HDGFL3: variants seen among roughly 807,000 people sequenced by gnomAD.
HDGFL3 encodes the protein hepatoma-derived growth factor-related protein 3.
A neutral mutation model predicts 27.6 loss-of-function variants in HDGFL3; 6 were observed. The ratio of observed to expected loss-of-function variants is 0.22; its 90% CI spans 0.12 to 0.43. The LOEUF (loss-of-function observed/expected upper bound fraction) is 0.43. HDGFL3 is among the 20% of genes least tolerant of loss of function. HDGFL3 has a pLI of 1.00. For synonymous variants in HDGFL3, 88 were observed against 88.9 expected (o/e 0.99, Z 0.05); for missense variants, 207 against 250.1 (o/e 0.83, Z 1.16).
At chr15:83,180,643 A>T (rs939887709) in intron 1 of HDGFL3, among the ~76,000 whole-genome samples, 1 of 126,368 alleles carries the variant, frequency 7.9e-6, no homozygotes, top group African/African-American at 3.0e-5. Context: ...TAACTTATCA[A>T]TTTTTTTTTT....
intron 1 of HDGFL3, chr15:83,179,305 T>G (rs546912154): frequency 1.7e-4 from 26 of 152,394 alleles, no homozygotes; most frequent in Middle Eastern, 3.4e-3. Context: ...CAGTGTTGGG[T>G]GTTGTGTGTT....
chr15:83,167,402 A>C (rs2037185149), intron 1 of HDGFL3, among the ~76,000 whole-genome samples: 2 of 151,952 alleles, frequency 1.3e-5, no homozygotes, highest in Admixed American at 6.6e-5. Context: ...CTAAAAATCC[A>C]AAAAAATTAG....
chr15:83,151,928 C>T (rs1175529063), intron 4 of HDGFL3, among the ~76,000 whole-genome samples: 1 of 152,170 alleles, frequency 6.6e-6, no homozygotes, highest in Non-Finnish European at 1.5e-5. Flanking sequence ...GAACTCAAGG[C>T]CATACTGTGA....
chr15:83,125,714 G>T (rs73455417), downstream of HDGFL3, among the ~76,000 whole-genome samples: 2 of 152,328 alleles, frequency 1.3e-5, no homozygotes, highest in Admixed American at 6.5e-5. Flanking sequence ...GTTGGCGCGC[G>T]TAACAGTTGG....
At chr15:83,163,950 G>T in intron 2 of HDGFL3, 49 bp downstream of exon 2, 1 of 1,142,370 alleles carries the variant, frequency 8.8e-7, no homozygotes, top group Non-Finnish European at 1.3e-6. Flanking sequence ...TAACAATGTA[G>T]CATAGCAGAG....
chr15:83,198,874 A>G (rs1272688151), intron 1 of HDGFL3, among the ~76,000 whole-genome samples: 1 of 152,158 alleles, frequency 6.6e-6, no homozygotes, highest in Non-Finnish European at 1.5e-5. Context: ...TCCCAACACC[A>G]CCACACTGGG....
At chr15:83,147,353 C>T (rs2036911120) in intron 5 of HDGFL3, among the ~76,000 whole-genome samples, 1 of 152,140 alleles carries the variant, frequency 6.6e-6, no homozygotes, top group Admixed American at 6.5e-5. Flanking sequence ...AGCCACCGCA[C>T]CTGGCCCTAC....
rs779660606 is a variant in HDGFL3 at position 83,136,171 on chromosome 15, T to C, written c.*3099A>G. 2 of 227,872 alleles carry C rather than the reference T, an allele frequency of 8.8e-6. No individual in the cohort carries two copies. The highest frequency in any genetic ancestry group is 2.3e-5 in the African/African-American group (1 of 44,372). 14.1% of individuals were successfully genotyped at this position (227,872 alleles called of 1,614,324 possible). On this transcript the variant is annotated 3_prime_UTR_variant, in exon 6 of 6. Transcript: ENST00000299633. ...ATTTTATTCAGATTTTTCTATTAGA[T>C]TGAGCCACTAATGTTCGGTAAGGGG...
In HDGFL3 at chr15:83,149,740, C is replaced by T. The variant is rs190658262; in HGVS notation, c.606+1475G>A. Among the ~76,000 whole-genome samples, 88 of 151,518 alleles carry T rather than the reference C, an allele frequency of 5.8e-4. 2 individuals are homozygous for T. In the South Asian group the frequency reaches 0.012, roughly 20 times the overall value. On this transcript the variant is annotated intron_variant, in intron 5 of 5. Transcript: ENST00000299633. ...CTGGGAGAAAAGATCATTCTTTTTACGAAGTTAGAGATGAAGGGAAAAGTG... is the reference window on the plus strand; with the variant it reads ...CTGGGAGAAAAGATCATTCTTTTTATGAAGTTAGAGATGAAGGGAAAAGTG...
At chr15:83,143,994 C>T (rs942034961) in intron 5 of HDGFL3, among the ~76,000 whole-genome samples, 1 of 152,082 alleles carries the variant, frequency 6.6e-6, no homozygotes, top group Non-Finnish European at 1.5e-5. Flanking sequence ...GGAATAATTA[C>T]AAATTTTAAG....
rs969678169 is a variant in HDGFL3 at position 83,157,115 on chromosome 15, G to A, written c.459+300C>T. Among the ~76,000 whole-genome samples, 4 of 152,210 alleles carry A rather than the reference G, an allele frequency of 2.6e-5. No homozygotes were observed. In the South Asian group the frequency reaches 6.2e-4, roughly 24 times the overall value. On this transcript the variant is annotated intron_variant, in intron 4 of 5. Coordinates refer to ENST00000299633, the MANE Select transcript of HDGFL3 (RefSeq NM_016073.4). ...TACATTTCTCAATTCTTTAGAGCTC[G>A]TCTGGAGGTTACTGTAGGAGGCAAA... is the stretch of plus-strand genomic sequence containing the variant.
chr15:83,120,781 G>C (rs2035158745), intron 3 of HDGFL3, among the ~76,000 whole-genome samples: 1 of 151,918 alleles, frequency 6.6e-6, no homozygotes. Context: ...GGCCAGGCTG[G>C]TCTCAAACTC....
At position 83,129,658 on chromosome 15, in the gene HDGFL3, A is replaced by T. The variant is rs1388725763; in HGVS notation, c.*9612T>A. Reference sequence around the variant, plus strand: ...TCTCACCCACCCCATGCAAACAATGAACTATGGCACAGAGTCCTACAGCAC... The same window carrying T: ...TCTCACCCACCCCATGCAAACAATGTACTATGGCACAGAGTCCTACAGCAC... On this transcript the variant is annotated 3_prime_UTR_variant, in exon 6 of 6. Coordinates refer to ENST00000299633, the MANE Select transcript of HDGFL3 (RefSeq NM_016073.4). 2.0e-5 allele frequency: 3 copies of T among 152,230 alleles called. No homozygotes were observed. Among genetic ancestry groups the T allele is most frequent in the Admixed American group, 2.0e-4 (3 of 15,284 alleles). 9.4% of individuals were successfully genotyped at this position (152,230 alleles called of 1,614,324 possible). A position where few individuals can be genotyped will look rare whatever the true frequency, so the allele number is the denominator to read the frequency against.
intron 1 of HDGFL3, among the ~76,000 whole-genome samples, chr15:83,197,957 G>A (rs1286306294): frequency 2.0e-5 from 3 of 150,214 alleles, no homozygotes; most frequent in Non-Finnish European, 3.0e-5. Context: ...ACCTGGGGGC[G>A]GCGGGGAGGG....
intron 2 of HDGFL3, among the ~76,000 whole-genome samples, chr15:83,161,420 CA>C (rs1411148492): frequency 6.6e-6 from 1 of 152,194 alleles, no homozygotes; most frequent in Non-Finnish European, 1.5e-5. Context: ...CTTGGCCTCC[CA>C]AAGTGCTGGT....
chr15:83,144,676 G>A (rs2036855594), intron 5 of HDGFL3: 1 of 374,310 alleles, frequency 2.7e-6, no homozygotes, highest in Non-Finnish European at 5.2e-6. Flanking sequence ...GATCTTAGAA[G>A]AGGATCCATC....
At chr15:83,192,318 AAAAAC>A (rs1033403819) in intron 1 of HDGFL3, 63 of 455,508 alleles carry the variant, frequency 1.4e-4, no homozygotes, top group African/African-American at 7.8e-4. Flanking sequence ...TCTAAAAATA[AAAAAC>A]AAAACAAAAC....
At chr15:83,189,771 G>C (rs1392819592) in intron 1 of HDGFL3, among the ~76,000 whole-genome samples, 1 of 152,110 alleles carries the variant, frequency 6.6e-6, no homozygotes, top group East Asian at 1.9e-4. Context: ...TTAAAATAAT[G>C]GGTAAATATT....
At chr15:83,164,366 CCAAA>C (rs2037138644) in intron 1 of HDGFL3, among the ~76,000 whole-genome samples, 1 of 12,936 alleles carries the variant, frequency 7.7e-5, no homozygotes, top group Admixed American at 8.8e-4. Context: ...ATTAGAGTAA[CCAAA>C]AAAAAAAAAA....
Sources: gnomAD v4.1 joint callset for allele counts (sites outside exome capture counted in the v4.1 genomes callset) on GRCh38, gnomAD v4.1.1 for gene constraint, MANE v1.5 for transcripts, NCBI Gene and HGNC (gene_info 2026-07-23, HGNC 2026-07-21) for gene names.